The following WSCD2 variants were observed in gnomAD, a reference collection of about 807,000 sequenced individuals.
The protein encoded by WSCD2 is sialate:O-sulfotransferase 2.
In WSCD2, 28 loss-of-function variants were observed where a neutral mutation model predicts 55.7. The ratio of observed to expected loss-of-function variants is 0.50; its 90% confidence interval spans 0.37 to 0.69. The LOEUF (loss-of-function observed/expected upper bound fraction) is 0.69, where lower values mean the gene tolerates loss of function less well. WSCD2 is among the 30% of genes least tolerant of loss of function. The probability of loss-of-function intolerance (pLI) is 0.00; values close to 1 mark genes in which losing one functional copy is unlikely to be tolerated. For missense variants in WSCD2, 616 were observed against 762.1 expected (o/e 0.81, Z 2.26); for synonymous variants, 301 against 301.9 (o/e 1.00, Z 0.03).
chr12:108,244,241 A>G (rs1441592027), intron 8 of WSCD2, among the ~76,000 whole-genome samples: 1 of 152,208 alleles, frequency 6.6e-6, no homozygotes, highest in African/African-American at 2.4e-5. Flanking sequence ...ATCAATGATC[A>G]GGAATCCTGA....
chr12:108,164,139 C>CTTTTTT (rs1555224800), intron 1 of WSCD2, among the ~76,000 whole-genome samples: 2 of 85,312 alleles, frequency 2.3e-5, no homozygotes, highest in African/African-American at 9.5e-5. Context: ...ATCTTAAATC[C>CTTTTTT]TTTTTTTTTT....
intron 1 of WSCD2, among the ~76,000 whole-genome samples, chr12:108,148,057 C>G (rs1250015280): frequency 6.6e-6 from 1 of 152,154 alleles, no homozygotes; most frequent in African/African-American, 2.4e-5. Flanking sequence ...TATTTTGTTT[C>G]CTGCCTGTGT....
intron 2 of WSCD2, among the ~76,000 whole-genome samples, chr12:108,200,427 A>G (rs2137064203): frequency 6.6e-6 from 1 of 152,300 alleles, no homozygotes; most frequent in East Asian, 1.9e-4. Flanking sequence ...TAACCACTGG[A>G]CTTATACTAT....
At chr12:108,207,269 G>A (rs1224880962) in intron 3 of WSCD2, among the ~76,000 whole-genome samples, 1 of 152,214 alleles carries the variant, frequency 6.6e-6, no homozygotes, top group African/African-American at 2.4e-5. Flanking sequence ...CCAGGTGGCT[G>A]TCTCTGACGG....
At chr12:108,212,150 A>C (rs1886272686) in intron 4 of WSCD2, among the ~76,000 whole-genome samples, 1 of 152,242 alleles carries the variant, frequency 6.6e-6, no homozygotes, top group Non-Finnish European at 1.5e-5. Flanking sequence ...TGTGAAATCC[A>C]GGCCAGAGAA....
At chr12:108,168,713 G>T (rs1295728010) in intron 1 of WSCD2, among the ~76,000 whole-genome samples, 3 of 152,190 alleles carry the variant, frequency 2.0e-5, no homozygotes, top group African/African-American at 4.8e-5. Context: ...TAGCTTGAAA[G>T]AATGGTTCTG....
chr12:108,240,042 C>T (rs1201604158), intron 7 of WSCD2, among the ~76,000 whole-genome samples: 1 of 152,172 alleles, frequency 6.6e-6, no homozygotes, highest in Admixed American at 6.5e-5. Flanking sequence ...ATTAATACTG[C>T]CCTTTTGTAA....
intron 1 of WSCD2, among the ~76,000 whole-genome samples, chr12:108,177,635 C>A (rs890941578): frequency 6.6e-6 from 1 of 152,152 alleles, no homozygotes; most frequent in Admixed American, 6.5e-5. Flanking sequence ...TTATGAGGCT[C>A]AACAGCTGGG....
chr12:108,165,304 G>T (rs1012092440), intron 1 of WSCD2, among the ~76,000 whole-genome samples: 11 of 152,196 alleles, frequency 7.2e-5, no homozygotes, highest in African/African-American at 2.7e-4. Context: ...CCAAGGGGAG[G>T]ATTCATGGTT....
In WSCD2 at chr12:108,240,456, C is replaced by A; in HGVS notation, c.1257C>A (p.Arg419=). The A allele has an allele frequency of 6.2e-7, 1 of 1,614,098 alleles. No homozygotes were observed. The highest frequency in any genetic ancestry group is 8.5e-7 in the Non-Finnish European group (1 of 1,180,030). The change falls in exon 8 of 9, where the codon CGC becomes CGA. Residue 419 remains arginine (R), a synonymous_variant. Transcript: ENST00000547525. ...EAFDAAILLI[R]NPYKALMAEF... Reference sequence around the variant, plus strand: ...TCGACGCCGCCATCCTGCTCATCCGCAACCCCTACAAAGCCCTCATGGCTG... The same window carrying A: ...TCGACGCCGCCATCCTGCTCATCCGAAACCCCTACAAAGCCCTCATGGCTG...
chr12:108,178,125 G>T (rs940780210), intron 1 of WSCD2, among the ~76,000 whole-genome samples: 1 of 152,156 alleles, frequency 6.6e-6, no homozygotes, highest in Non-Finnish European at 1.5e-5. Flanking sequence ...GAAGCTGGAA[G>T]TCCAAAATTA....
intron 2 of WSCD2, among the ~76,000 whole-genome samples, chr12:108,197,997 A>C (rs1884156559): frequency 1.3e-5 from 2 of 150,094 alleles, no homozygotes; most frequent in African/African-American, 4.9e-5. Context: ...GTCTTTAATC[A>C]AACCTCGACT....
rs1241459475 is a variant in WSCD2, at chr12:108,182,839, G to GA, written c.-551-12443_-551-12442insA. Among the ~76,000 whole-genome samples, 4 of 148,316 alleles carry GA rather than the reference G, an allele frequency of 2.7e-5. No individual in the cohort carries two copies. In the East Asian group the frequency reaches 7.8e-4, roughly 29 times the overall value. On this transcript the variant is annotated intron_variant, in intron 1 of 8. Transcript: ENST00000547525. ...ATAACTTTTTCCTCCTTTTAATATA[G>GA]TTTTTTTTTTTCCTTGCACAGAACG...
intron 8 of WSCD2, among the ~76,000 whole-genome samples, chr12:108,245,691 G>T (rs1890036229): frequency 6.6e-6 from 1 of 152,224 alleles, no homozygotes; most frequent in Admixed American, 6.5e-5. Flanking sequence ...TGAATCACCA[G>T]TGATGCTGTG....
Position 108,248,241 on chromosome 12 carries a change from T to C in WSCD2, c.1596T>C (p.Thr532=). The C allele has an allele frequency of 1.2e-6, 2 of 1,614,154 alleles. No individual in the cohort carries two copies. The highest frequency in any genetic ancestry group is 2.7e-5 in the African/African-American group (2 of 75,048). Residue 532 remains threonine (T), a synonymous_variant, in exon 9 of 9, where the codon ACT becomes ACC. Transcript: ENST00000547525. The surrounding 1 kb of genome is among the most constrained non-coding windows in gnomAD (Gnocchi z 4.3). ...GGAAGCTCGAGTATGACCCCTATACTGCGGACATGCAGAAGACCATCTCTG... is the reference window on the plus strand; with the variant it reads ...GGAAGCTCGAGTATGACCCCTATACCGCGGACATGCAGAAGACCATCTCTG... The part of the protein sequence containing the change: ...GLRKLEYDPY[T]ADMQKTISAY...
chr12:108,195,727 C>T lies in WSCD2; in HGVS notation c.-106C>T. ...TTTCAGGAAGAGTGAGACTGAGGAC[C>T]CCCAAGTGTTCCATCCCTAAGGAAA... On this transcript the variant is annotated 5_prime_UTR_variant, in exon 2 of 9. Transcript: ENST00000547525. 1 of 1,446,738 alleles carries T rather than the reference C, an allele frequency of 6.9e-7. No homozygotes were observed. Among genetic ancestry groups the T allele is most frequent in the Non-Finnish European group, 9.3e-7 (1 of 1,079,324 alleles). The allele number at this position is 1,446,738 out of a possible 1,614,324, so 89.6% of individuals were successfully genotyped here. A position where few individuals can be genotyped will look rare whatever the true frequency, so the allele number is the denominator to read the frequency against.
intron 4 of WSCD2, among the ~76,000 whole-genome samples, chr12:108,222,425 G>A (rs948954712): frequency 3.3e-5 from 5 of 152,202 alleles, no homozygotes; most frequent in African/African-American, 1.2e-4. Context: ...TTTTCAAGAA[G>A]GTGAGATGAG....
chr12:108,213,110 G>A (rs1288435070), intron 4 of WSCD2, among the ~76,000 whole-genome samples: 1 of 152,186 alleles, frequency 6.6e-6, no homozygotes, highest in Non-Finnish European at 1.5e-5. Flanking sequence ...AACACTTGAT[G>A]AGCTCCTCTG....
intron 1 of WSCD2, among the ~76,000 whole-genome samples, chr12:108,181,830 A>G (rs998219175): frequency 6.6e-5 from 10 of 152,236 alleles, no homozygotes; most frequent in African/African-American, 2.4e-4. Context: ...GCAAATAACA[A>G]TAACTGTGGT....
Sources: allele counts gnomAD v4.1 joint callset (sites outside exome capture counted in the v4.1 genomes callset), GRCh38; gene constraint gnomAD v4.1.1; non-coding constraint Gnocchi (gnomAD v3.1); transcripts MANE v1.5; gene names NCBI Gene and HGNC (gene_info 2026-07-23, HGNC 2026-07-21).